The following SHISA6 variants were observed in gnomAD, a reference collection of about 807,000 sequenced individuals.
The protein encoded by SHISA6 is protein shisa-6.
In SHISA6, 22 loss-of-function variants were observed where a neutral mutation model predicts 47.9. The observed-to-expected ratio is 0.46, with a 90% CI of 0.33 to 0.66. The LOEUF is 0.66. Among genes scored for constraint, SHISA6 ranks in the 30% least tolerant of loss-of-function variants. The pLI, the probability that SHISA6 is intolerant of heterozygous loss-of-function variation, is 0.02. For synonymous variants in SHISA6, 388 were observed against 337.8 expected (o/e 1.15, Z -1.63); for missense variants, 680 against 764.6 (o/e 0.89, Z 1.30).
chr17:11,259,522 A>G (rs1270507337), intron 1 of SHISA6, among the ~76,000 whole-genome samples: 2 of 152,334 alleles, frequency 1.3e-5, no homozygotes, highest in Non-Finnish European at 1.5e-5. Context: ...GTTAAGGGAA[A>G]TCACTTGCCA....
At chr17:11,299,143 A>G (rs1909842123) in intron 2 of SHISA6, among the ~76,000 whole-genome samples, 1 of 152,220 alleles carries the variant, frequency 6.6e-6, no homozygotes, top group African/African-American at 2.4e-5. Context: ...AGGATGGACC[A>G]CATTTCTTCA....
intron 3 of SHISA6, among the ~76,000 whole-genome samples, chr17:11,388,740 G>A (rs557889423): frequency 7.3e-6 from 1 of 137,506 alleles, no homozygotes; most frequent in East Asian, 2.2e-4. Flanking sequence ...AGATGGGCCT[G>A]TAGGAATGGT....
chr17:11,549,161 T>C (rs1352968765), intron 3 of SHISA6, among the ~76,000 whole-genome samples: 1 of 152,156 alleles, frequency 6.6e-6, no homozygotes, highest in Non-Finnish European at 1.5e-5. Context: ...GCAATGTTAT[T>C]TAGGTGGGGG....
chr17:11,424,519 G>C (rs1213276524), intron 3 of SHISA6, among the ~76,000 whole-genome samples: 2 of 151,872 alleles, frequency 1.3e-5, no homozygotes, highest in African/African-American at 4.8e-5. Context: ...AACAGGATAT[G>C]TACAATACTA....
intron 1 of SHISA6, among the ~76,000 whole-genome samples, chr17:11,257,459 G>A (rs186637724): frequency 1.3e-3 from 191 of 152,086 alleles, no homozygotes; most frequent in Middle Eastern, 0.01. Flanking sequence ...TTCGGAGTCC[G>A]AGACCAGCCT....
intron 3 of SHISA6, among the ~76,000 whole-genome samples, chr17:11,535,549 G>A (rs2071779361): frequency 6.6e-6 from 1 of 152,230 alleles, no homozygotes; most frequent in Admixed American, 6.5e-5. Flanking sequence ...ATTAGAAGCA[G>A]TGTGAACCTT....
At chr17:11,263,595 G>A (rs990624040) in intron 2 of SHISA6, 69 bp downstream of exon 2, 3 of 1,523,550 alleles carry the variant, frequency 2.0e-6, no homozygotes. Flanking sequence ...TTTCTGCTCT[G>A]GTGGGGCAGG....
chr17:11,323,743 T>C (rs1910786547), intron 2 of SHISA6, among the ~76,000 whole-genome samples: 2 of 151,914 alleles, frequency 1.3e-5, no homozygotes, highest in African/African-American at 4.8e-5. Context: ...CCTGTAGGCT[T>C]TGCTCTCCCA....
chr17:11,373,471 A>G (rs571725876), intron 2 of SHISA6, among the ~76,000 whole-genome samples: 2 of 152,260 alleles, frequency 1.3e-5, no homozygotes, highest in South Asian at 2.1e-4. Flanking sequence ...ACAGAGAAGT[A>G]CCTTTTATAC....
chr17:11,241,636 A>G lies in SHISA6; in HGVS notation c.214A>G (p.Ser72Gly). 1 of 1,352,430 alleles carries G rather than the reference A, an allele frequency of 7.4e-7. No homozygotes were observed. Among genetic ancestry groups the G allele is most frequent in the Non-Finnish European group, 9.4e-7 (1 of 1,063,562 alleles). 83.8% of individuals were successfully genotyped at this position (1,352,430 alleles called of 1,614,324 possible). The change falls in exon 1 of 6, where the codon AGC becomes GGC. Residue 72 changes from serine (S) to glycine (G), a missense_variant. Ser to Gly is a moderately conservative substitution (Grantham distance 56). Coordinates refer to ENST00000441885, the MANE Select transcript of SHISA6 (RefSeq NM_207386.4). The surrounding 1 kb of genome is among the most constrained non-coding windows in gnomAD (Gnocchi z 5.5). The part of the protein sequence containing the change: ...ARAPGIPEAG[S>G]RRGQPAAAVA... ...GGCGCCCGGAATCCCGGAGGCGGGA[A>G]GCCGGCGGGGGCAGCCCGCGGCGGC...
chr17:11,436,662 A>G (rs1914952125), intron 3 of SHISA6, among the ~76,000 whole-genome samples: 1 of 152,196 alleles, frequency 6.6e-6, no homozygotes, highest in Non-Finnish European at 1.5e-5. Flanking sequence ...ACTTCACTAT[A>G]TCTTCAGGGC....
chr17:11,498,841 C>A (rs999308972), intron 3 of SHISA6, among the ~76,000 whole-genome samples: 1 of 152,162 alleles, frequency 6.6e-6, no homozygotes, highest in Admixed American at 6.5e-5. Context: ...ATCCCCATAA[C>A]AACGAAGGAT....
intron 3 of SHISA6, among the ~76,000 whole-genome samples, chr17:11,535,228 A>C (rs188897087): frequency 1.3e-5 from 2 of 152,312 alleles, no homozygotes; most frequent in East Asian, 3.9e-4. Flanking sequence ...ATCCATGTCC[A>C]TACGGCCAGG....
At chr17:11,521,300 T>C (rs2071627170) in intron 3 of SHISA6, among the ~76,000 whole-genome samples, 1 of 152,232 alleles carries the variant, frequency 6.6e-6, no homozygotes, top group South Asian at 2.1e-4. Context: ...AAATGTAGTA[T>C]GTATTTGGTA....
intron 3 of SHISA6, among the ~76,000 whole-genome samples, chr17:11,543,823 A>AT (rs2071854702): frequency 6.7e-6 from 1 of 150,194 alleles, no homozygotes; most frequent in African/African-American, 2.5e-5. Context: ...TACCCAACTG[A>AT]TTTTTTGAAA....
At chr17:11,458,874 G>A (rs72807177) in intron 3 of SHISA6, among the ~76,000 whole-genome samples, 6,674 of 152,084 alleles carry the variant, frequency 0.044, 171 homozygotes, top group African/African-American at 0.058. Flanking sequence ...TGTTCCCATC[G>A]TTGGGTAGTT....
chr17:11,537,983 A>T (rs1368100498), intron 3 of SHISA6, among the ~76,000 whole-genome samples: 1 of 152,362 alleles, frequency 6.6e-6, no homozygotes, highest in Non-Finnish European at 1.5e-5. Flanking sequence ...TCCAATTATC[A>T]GAAGAGCAAA....
At chr17:11,253,620 G>T (rs1390866429) in intron 1 of SHISA6, among the ~76,000 whole-genome samples, 1 of 152,132 alleles carries the variant, frequency 6.6e-6, no homozygotes, top group African/African-American at 2.4e-5. Flanking sequence ...CGTTGATAGG[G>T]ATTAGCCTGC....
At chr17:11,528,215 T>C (rs1284782437) in intron 3 of SHISA6, among the ~76,000 whole-genome samples, 1 of 152,166 alleles carries the variant, frequency 6.6e-6, no homozygotes, top group Non-Finnish European at 1.5e-5. Flanking sequence ...AATTTTATTA[T>C]TAAAAATGTG....
Sources: allele counts gnomAD v4.1 joint callset (sites outside exome capture counted in the v4.1 genomes callset), GRCh38; gene constraint gnomAD v4.1.1; non-coding constraint Gnocchi (gnomAD v3.1); transcripts MANE v1.5; gene names NCBI Gene and HGNC (gene_info 2026-07-23, HGNC 2026-07-21).